Variants in ZNF599 observed in about 807,000 individuals in gnomAD.
ZNF599 encodes the protein zinc finger protein 599.
ZNF599 carries 10 observed loss-of-function variants against 11.7 expected under a neutral mutation model. The ratio of observed to expected loss-of-function variants is 0.86; its 90% CI spans 0.53 to 1.45. ZNF599 has a LOEUF of 1.45. Ranked by LOEUF, ZNF599 falls within the 40% of genes most tolerant of loss-of-function variation. The pLI, the probability that ZNF599 is intolerant of heterozygous loss-of-function variation, is 0.00. For missense variants in ZNF599, 688 were observed against 713.6 expected, an observed-to-expected ratio of 0.96 and a Z score of 0.41; for synonymous variants, 232 against 253.2, an observed-to-expected ratio of 0.92 and a Z score of 0.79.
At position 34,759,581 on chromosome 19, in the gene ZNF599, C is replaced by G; in HGVS notation, c.1220G>C (p.Arg407Pro). 6.2e-7 allele frequency: 1 copy of G among 1,612,456 alleles called. No homozygotes were observed. Among genetic ancestry groups the G allele is most frequent in the Non-Finnish European group, 8.5e-7 (1 of 1,179,612 alleles). The change falls in exon 4 of 4, where the codon CGC becomes CCC. Residue 407 changes from arginine to proline, a missense_variant. Arg to Pro is a moderately radical substitution (Grantham distance 103, BLOSUM62 -2). Transcript: ENST00000329285. ...CGECGKAFTH[R>P]STFIRHKRTH... ...CCTCTTATGTCGGATGAAAGTGGAG[C>G]GATGAGTAAAGGCCTTTCCACATTC...
Position 34,772,996 on chromosome 19 carries a change from C to T in ZNF599, c.-155G>A. ...GGTTCGCGGCGCCGCCTCTGCGCGC[C>T]GTGAGGACACAGGGCTGTCGCCAAG... is the stretch of plus-strand genomic sequence containing the variant. On this transcript the variant is annotated 5_prime_UTR_variant, in exon 1 of 4. Coordinates refer to ENST00000329285, the MANE Select transcript of ZNF599 (RefSeq NM_001007248.3). The T allele has an allele frequency of 1.1e-6, 1 of 900,322 alleles. No homozygotes were observed. The allele number at this position is 900,322 out of a possible 1,614,324, so 55.8% of individuals were successfully genotyped here. A position where few individuals can be genotyped will look rare whatever the true frequency, so the allele number is the denominator to read the frequency against.
intron 1 of ZNF599, chr19:34,772,457 G>A (rs561589716): frequency 8.9e-7 from 1 of 1,118,262 alleles, no homozygotes; most frequent in African/African-American, 1.6e-5. Context: ...GGCACCTAGA[G>A]TGATGCTCTC....
intron 1 of ZNF599, 105 bp from the exon 2 acceptor site, chr19:34,769,660 G>C: frequency 7.1e-7 from 1 of 1,406,718 alleles, no homozygotes; most frequent in Non-Finnish European, 9.7e-7. Context: ...GAACCACTGA[G>C]CAACTCCTGA....
intron 1 of ZNF599, among the ~76,000 whole-genome samples, chr19:34,770,631 T>C (rs1190437746): frequency 6.6e-6 from 1 of 152,204 alleles, no homozygotes; most frequent in Non-Finnish European, 1.5e-5. Flanking sequence ...TTAGCACATT[T>C]CCCTTAGGTA....
At chr19:34,796,613 T>C in the ZNF599 span, among the ~76,000 whole-genome samples, 3 of 152,302 alleles carry the variant, frequency 2.0e-5, no homozygotes, top group East Asian at 5.8e-4. Flanking sequence ...GCCCAGCCTT[T>C]CCAAGTTTTT....
the ZNF599 span, among the ~76,000 whole-genome samples, chr19:34,781,924 A>T: frequency 6.6e-6 from 1 of 152,202 alleles, no homozygotes; most frequent in Non-Finnish European, 1.5e-5. Flanking sequence ...TGTGGGGTGC[A>T]GCCTGGGGCC....
At position 34,760,472 on chromosome 19, in the gene ZNF599, T is replaced by C. The variant is rs749928445; in HGVS notation, c.329A>G (p.Gln110Arg). The change falls in exon 4 of 4, where the codon CAG becomes CGG. Residue 110 changes from glutamine (Q) to arginine (R), a missense_variant. Coordinates refer to ENST00000329285, the MANE Select transcript of ZNF599 (RefSeq NM_001007248.3). ...CAACCTGGAATCTCTTGAGGATCTC[T>C]GTGCCAGAAGTTCCTGGAAAGAGGA... is the stretch of plus-strand genomic sequence containing the variant. The part of the protein sequence containing the change: ...EESSFQELLA[Q>R]RSSRDSRLGQ... 2 of 1,614,198 alleles carry C rather than the reference T, an allele frequency of 1.2e-6. No homozygotes were observed. The highest frequency in any genetic ancestry group is 1.1e-5 in the South Asian group (1 of 91,082).
intron 1 of ZNF599, 138 bp from the exon 2 acceptor site, chr19:34,769,693 C>G: frequency 3.0e-6 from 3 of 1,006,838 alleles, no homozygotes; most frequent in Non-Finnish European, 4.4e-6. Context: ...TCTGTGGAGG[C>G]AGATGGTGCC....
At chr19:34,780,391 C>T in the ZNF599 span, among the ~76,000 whole-genome samples, 1 of 152,044 alleles carries the variant, frequency 6.6e-6, no homozygotes, top group Admixed American at 6.6e-5. Context: ...CACCTATAGT[C>T]CCAGCTACTT....
chr19:34,785,182 C>T, the ZNF599 span, among the ~76,000 whole-genome samples: 1 of 152,066 alleles, frequency 6.6e-6, no homozygotes, highest in Non-Finnish European at 1.5e-5. Context: ...AAGCCAAAAA[C>T]CTGGGGTCAC....
In ZNF599 at chr19:34,760,151, T is replaced by C; in HGVS notation, c.650A>G (p.His217Arg). The C allele has an allele frequency of 6.2e-7, 1 of 1,614,216 alleles. No homozygotes were observed. Among genetic ancestry groups the C allele is most frequent in the Non-Finnish European group, 8.5e-7 (1 of 1,180,028 alleles). The change falls in exon 4 of 4, where the codon CAT becomes CGT. Residue 217 changes from histidine (H) to arginine (R), a missense_variant. By Grantham distance (29) the His-to-Arg change is conservative. Coordinates refer to ENST00000329285, the MANE Select transcript of ZNF599 (RefSeq NM_001007248.3). ...GFSKKWALVR[H>R]QQIHAGVKPY... ...CTTCACTCCAGCATGAATCTGTTGA[T>C]GCCGAACAAGGGCCCACTTCTTGCT...
chr19:34,774,681 A>C (rs1467329932), upstream of ZNF599, among the ~76,000 whole-genome samples: 1 of 152,170 alleles, frequency 6.6e-6, no homozygotes, highest in African/African-American at 2.4e-5. Context: ...AAATCTATTA[A>C]TTTAGTCATC....
chr19:34,772,703 C>A, intron 1 of ZNF599, 121 bp downstream of exon 1: 2 of 1,507,628 alleles, frequency 1.3e-6, no homozygotes, highest in Non-Finnish European at 8.8e-7. Context: ...CTCCCGGGAT[C>A]TCCATAACCT....
rs1484506567 is a variant in ZNF599 at position 34,760,450 on chromosome 19, C to T, written c.351G>A (p.Arg117=). ...LLAQRSSRDS[R]LGQARDEEKL... ...TTTCCTCATCTCTAGCTTGCCCCAA[C>T]CTGGAATCTCTTGAGGATCTCTGTG... Residue 117 remains arginine (R), a synonymous_variant, in exon 4 of 4, where the codon AGG becomes AGA. Transcript: ENST00000329285. 3 of 1,614,020 alleles carry T rather than the reference C, an allele frequency of 1.9e-6. No homozygotes were observed. The African/African-American group carries it at 4.0e-5, about 22-fold the overall frequency.
the ZNF599 span, among the ~76,000 whole-genome samples, chr19:34,797,333 G>A: frequency 1.3e-5 from 2 of 152,130 alleles, no homozygotes; most frequent in Admixed American, 6.5e-5. Flanking sequence ...ATACCCAGTA[G>A]TGGGATTGCT....
chr19:34,777,312 A>C (rs1427790472), upstream of ZNF599, among the ~76,000 whole-genome samples: 5 of 103,746 alleles, frequency 4.8e-5, no homozygotes, highest in African/African-American at 1.9e-4. Context: ...TATTATGTAT[A>C]TTTATCTATA....
At chr19:34,773,313 T>C (rs546558657), upstream of ZNF599, 6 of 160,156 alleles carry the variant, frequency 3.7e-5, no homozygotes, top group Non-Finnish European at 8.1e-5. Context: ...TTCTGGGTAA[T>C]GTAGTTTGAC....
the ZNF599 span, among the ~76,000 whole-genome samples, chr19:34,803,194 T>C: frequency 6.6e-6 from 1 of 152,038 alleles, no homozygotes; most frequent in East Asian, 1.9e-4. Context: ...GGGAAGAGGA[T>C]AGGACAGTGC....
intron 3 of ZNF599, among the ~76,000 whole-genome samples, chr19:34,766,400 G>A (rs183041718): frequency 4.6e-5 from 7 of 152,302 alleles, no homozygotes; most frequent in South Asian, 2.1e-4. Flanking sequence ...AATAAATGAC[G>A]GGCTGGAGAA....
Sources: gnomAD v4.1 joint callset for allele counts (sites outside exome capture counted in the v4.1 genomes callset) on GRCh38, gnomAD v4.1.1 for gene constraint, MANE v1.5 for transcripts, NCBI Gene and HGNC (gene_info 2026-07-23, HGNC 2026-07-21) for gene names.